Variants in CACNA2D1 observed in about 807,000 individuals in gnomAD.
CACNA2D1 encodes calcium voltage-gated channel auxiliary subunit alpha2delta 1.
CACNA2D1 carries 53 observed loss-of-function variants against 171.5 expected under a neutral mutation model. The observed-to-expected ratio is 0.31, with a 90% confidence interval of 0.25 to 0.39. The LOEUF is 0.39. CACNA2D1 is among the 10% of genes least tolerant of loss of function. CACNA2D1 has a pLI of 1.00. For synonymous variants in CACNA2D1, 442 were observed against 443.1 expected (o/e 1.00, Z 0.03); for missense variants, 903 against 1,299.8 (o/e 0.69, Z 4.69).
chr7:82,434,488 C>A (rs1001760063), intron 1 of CACNA2D1, among the ~76,000 whole-genome samples: 2 of 151,930 alleles, frequency 1.3e-5, no homozygotes, highest in South Asian at 4.2e-4. Context: ...TAATTAAGTA[C>A]TCATTAGTTA....
chr7:82,277,257 C>T (rs1449374194), intron 3 of CACNA2D1, among the ~76,000 whole-genome samples: 8 of 152,206 alleles, frequency 5.3e-5, no homozygotes, highest in Middle Eastern at 6.8e-3. Context: ...GGCTGTAGTG[C>T]AGTGGCACAA....
At chr7:82,056,403 T>C (rs1300700832) in intron 10 of CACNA2D1, among the ~76,000 whole-genome samples, 1 of 152,134 alleles carries the variant, frequency 6.6e-6, no homozygotes, top group African/African-American at 2.4e-5. Flanking sequence ...TTGTTTTGCA[T>C]CAATGTGTGC....
intron 7 of CACNA2D1, among the ~76,000 whole-genome samples, chr7:82,076,192 T>C (rs1563007402): frequency 6.6e-6 from 1 of 152,114 alleles, no homozygotes; most frequent in Non-Finnish European, 1.5e-5. Flanking sequence ...GCTACAGAAT[T>C]GCCTTCATAA....
intron 10 of CACNA2D1, among the ~76,000 whole-genome samples, chr7:82,043,239 C>T (rs985824717): frequency 6.6e-6 from 1 of 152,004 alleles, no homozygotes; most frequent in Non-Finnish European, 1.5e-5. Context: ...TTCAAAAGTA[C>T]AAATACTCTG....
At chr7:82,341,424 A>T (rs1056253671) in intron 2 of CACNA2D1, among the ~76,000 whole-genome samples, 3 of 152,174 alleles carry the variant, frequency 2.0e-5, no homozygotes, top group African/African-American at 7.2e-5. Context: ...ATACAATACA[A>T]ACAAAACCTC....
chr7:82,401,620 T>A (rs1826431214), intron 1 of CACNA2D1, among the ~76,000 whole-genome samples: 1 of 151,076 alleles, frequency 6.6e-6, no homozygotes, highest in Admixed American at 6.6e-5. Context: ...GACGAGTTAG[T>A]GGGTGCAGCG....
chr7:82,102,880 A>C (rs1352100500), intron 6 of CACNA2D1, among the ~76,000 whole-genome samples: 2 of 152,240 alleles, frequency 1.3e-5, no homozygotes, highest in Admixed American at 6.5e-5. Context: ...GCAATGAAGT[A>C]TCTACTAAGC....
chr7:82,303,957 T>G (rs1813373505), intron 3 of CACNA2D1, among the ~76,000 whole-genome samples: 1 of 151,996 alleles, frequency 6.6e-6, no homozygotes, highest in Non-Finnish European at 1.5e-5. Context: ...TTGCAAACTA[T>G]TAATCTGACA....
intron 6 of CACNA2D1, among the ~76,000 whole-genome samples, chr7:82,085,405 C>A (rs1036090033): frequency 1.3e-5 from 2 of 151,858 alleles, no homozygotes; most frequent in Non-Finnish European, 2.9e-5. Context: ...TCCTTTTTAT[C>A]CTCAGAGGTA....
chr7:82,124,140 C>A (rs867578226), intron 5 of CACNA2D1, among the ~76,000 whole-genome samples: 64 of 152,106 alleles, frequency 4.2e-4, no homozygotes, highest in Admixed American at 4.6e-4. Flanking sequence ...ATAAAGATTG[C>A]AAACTGTAAG....
chr7:82,271,308 A>T (rs909907633), intron 3 of CACNA2D1, among the ~76,000 whole-genome samples: 9 of 152,134 alleles, frequency 5.9e-5, no homozygotes, highest in African/African-American at 2.2e-4. Context: ...TTCAATCTGA[A>T]GACCTGAGTC....
At chr7:82,075,872 CAGAA>C (rs1808901024) in intron 7 of CACNA2D1, among the ~76,000 whole-genome samples, 1 of 151,920 alleles carries the variant, frequency 6.6e-6, no homozygotes, top group African/African-American at 2.4e-5. Context: ...TTTGGTAACA[CAGAA>C]AGAAAAAAGA....
At chr7:82,043,420 G>T (rs1188189111) in intron 10 of CACNA2D1, among the ~76,000 whole-genome samples, 1 of 152,156 alleles carries the variant, frequency 6.6e-6, no homozygotes, top group Non-Finnish European at 1.5e-5. Context: ...ATAAGATTCA[G>T]ATAAACTGCC....
At chr7:82,292,725 G>A (rs534338107) in intron 3 of CACNA2D1, among the ~76,000 whole-genome samples, 8 of 152,028 alleles carry the variant, frequency 5.3e-5, no homozygotes, top group Non-Finnish European at 1.0e-4. Flanking sequence ...TCTTGTCAAC[G>A]TCCTGTTCAT....
intron 38 of CACNA2D1, among the ~76,000 whole-genome samples, chr7:81,953,605 G>A (rs1584139346): frequency 1.3e-5 from 2 of 151,738 alleles, no homozygotes; most frequent in East Asian, 1.9e-4. Context: ...ACACAGAAGA[G>A]TGGCTAGATA....
intron 7 of CACNA2D1, among the ~76,000 whole-genome samples, chr7:82,070,972 TATTAAGA>T (rs1808249583): frequency 6.6e-6 from 1 of 151,930 alleles, no homozygotes; most frequent in African/African-American, 2.4e-5. Flanking sequence ...AACATACCAG[TATTAAGA>T]ATTATTTCTA....
intron 32 of CACNA2D1, 96 bp from the exon 33 acceptor site, chr7:81,964,455 A>C: frequency 3.1e-6 from 3 of 959,474 alleles, no homozygotes; most frequent in South Asian, 3.0e-5. Context: ...AATAATACAA[A>C]GAAACTGAAC....
At chr7:82,282,846 G>C (rs960550710) in intron 3 of CACNA2D1, among the ~76,000 whole-genome samples, 1 of 152,020 alleles carries the variant, frequency 6.6e-6, no homozygotes, top group Non-Finnish European at 1.5e-5. Flanking sequence ...GGCAGGGAGG[G>C]TGTGGGAAGG....
intron 5 of CACNA2D1, among the ~76,000 whole-genome samples, chr7:82,132,605 G>A (rs1365013476): frequency 6.6e-6 from 1 of 151,600 alleles, no homozygotes; most frequent in Admixed American, 6.5e-5. Context: ...TTGGAACACC[G>A]ATCTTGGAGC....
Sources: allele counts gnomAD v4.1 joint callset (sites outside exome capture counted in the v4.1 genomes callset), GRCh38; gene constraint gnomAD v4.1.1; transcripts MANE v1.5; gene names NCBI Gene and HGNC (gene_info 2026-07-23, HGNC 2026-07-21).